The following CADPS2 variants were observed in gnomAD, a reference collection of about 807,000 sequenced individuals.
The protein encoded by CADPS2 is calcium dependent secretion activator 2.
CADPS2 carries 93 observed loss-of-function variants against 172.5 expected under a neutral mutation model. The observed-to-expected ratio is 0.54, with a 90% CI of 0.46 to 0.64. CADPS2 has a LOEUF of 0.64. CADPS2 is among the 30% of genes least tolerant of loss of function. The probability of loss-of-function intolerance (pLI) is 0.00; values close to 1 mark genes in which losing one functional copy is unlikely to be tolerated. For missense variants in CADPS2, 1,420 were observed against 1,565.9 expected, an observed-to-expected ratio of 0.91 and a Z score of 1.57; for synonymous variants, 546 against 555.2, an observed-to-expected ratio of 0.98 and a Z score of 0.23.
intron 1 of CADPS2, among the ~76,000 whole-genome samples, chr7:122,758,815 G>A (rs753632401): frequency 6.6e-6 from 1 of 152,212 alleles, no homozygotes; most frequent in African/African-American, 2.4e-5. Flanking sequence ...CAAAGTGATA[G>A]CTGCAAACCA....
intron 3 of CADPS2, among the ~76,000 whole-genome samples, chr7:122,659,766 A>G (rs1215195177): frequency 1.3e-5 from 2 of 152,190 alleles, no homozygotes; most frequent in Admixed American, 6.5e-5. Flanking sequence ...AAGGGGGAAA[A>G]TAACACCTTA....
intron 2 of CADPS2, among the ~76,000 whole-genome samples, chr7:122,725,485 G>A (rs1456894500): frequency 1.3e-5 from 2 of 151,668 alleles, no homozygotes; most frequent in Admixed American, 6.6e-5. Context: ...TGGGCTTTTA[G>A]TGTACCCATC....
intron 20 of CADPS2, among the ~76,000 whole-genome samples, chr7:122,395,164 C>T (rs1310976767): frequency 6.6e-6 from 1 of 152,180 alleles, no homozygotes; most frequent in Non-Finnish European, 1.5e-5. Flanking sequence ...TGATGTTTAT[C>T]ACTGTGGCAT....
At chr7:122,855,195 T>C (rs1267004212) in intron 1 of CADPS2, among the ~76,000 whole-genome samples, 1 of 152,184 alleles carries the variant, frequency 6.6e-6, no homozygotes, top group Non-Finnish European at 1.5e-5. Context: ...TTCTTTAGTA[T>C]AGTAGTAGTA....
chr7:122,559,919 G>A (rs975755944), intron 7 of CADPS2, among the ~76,000 whole-genome samples: 4 of 152,016 alleles, frequency 2.6e-5, no homozygotes, highest in African/African-American at 9.7e-5. Context: ...TGAAGTTTGT[G>A]ATGTACCAAA....
At chr7:122,386,234 T>C (rs2043653164) in intron 24 of CADPS2, 3 of 1,106,014 alleles carry the variant, frequency 2.7e-6, no homozygotes, top group Non-Finnish European at 3.7e-6. Context: ...ATAAAAAATA[T>C]ACATTTACAA....
chr7:122,393,065 TAAAA>T (rs370397056), intron 22 of CADPS2, 127 bp downstream of exon 22: 50 of 881,584 alleles, frequency 5.7e-5, no homozygotes, highest in Non-Finnish European at 7.0e-5. Flanking sequence ...AAAACTCAAA[TAAAA>T]AAAAAAAAAC....
chr7:122,794,306 AT>A (rs138867812), intron 1 of CADPS2, among the ~76,000 whole-genome samples: 1 of 149,998 alleles, frequency 6.7e-6, no homozygotes, highest in African/African-American at 2.5e-5. Flanking sequence ...TTTCCTTCTC[AT>A]TTTTTTCTGT....
chr7:122,708,708 C>T (rs1448813730), intron 2 of CADPS2, among the ~76,000 whole-genome samples: 1 of 151,630 alleles, frequency 6.6e-6, no homozygotes, highest in Admixed American at 6.6e-5. Flanking sequence ...CTCTCTTCTT[C>T]ATTCAGAATT....
chr7:122,560,241 T>C (rs6969495), intron 7 of CADPS2, among the ~76,000 whole-genome samples: 2 of 152,022 alleles, frequency 1.3e-5, no homozygotes, highest in Non-Finnish European at 2.9e-5. Flanking sequence ...GACAGGTAGG[T>C]TGAAGGAGAT....
rs547433487 is a variant in CADPS2, at chr7:122,705,647, A to G, written c.453+31308T>C. On this transcript the variant is annotated intron_variant, in intron 2 of 29. Transcript: ENST00000449022. ...TATTATATATGATATATAATATATT[A>G]TATAATATATCTCATATATAATATA... 9.8e-3 allele frequency among the ~76,000 whole-genome samples: 966 copies of G among 98,540 alleles called. 9 individuals are homozygous for G. Among genetic ancestry groups the G allele is most frequent in the Middle Eastern group, 0.033 (3 of 90 alleles). The allele number at this position is 98,540 out of a possible 152,430, so 64.6% of individuals were successfully genotyped here. A position where few individuals can be genotyped will look rare whatever the true frequency, so the allele number is the denominator to read the frequency against.
intron 25 of CADPS2, among the ~76,000 whole-genome samples, chr7:122,361,444 G>A (rs1186705380): frequency 6.6e-6 from 1 of 151,816 alleles, no homozygotes; most frequent in East Asian, 1.9e-4. Flanking sequence ...ATATTGGCCA[G>A]GCTGGTCTCA....
chr7:122,561,356 C>T (rs559001795), intron 7 of CADPS2, among the ~76,000 whole-genome samples: 3 of 151,612 alleles, frequency 2.0e-5, no homozygotes, highest in Admixed American at 2.0e-4. Context: ...CAAGAAAGGC[C>T]TTTTTTTGAA....
At chr7:122,732,161 G>A (rs1222862473) in intron 2 of CADPS2, among the ~76,000 whole-genome samples, 9 of 151,222 alleles carry the variant, frequency 6.0e-5, no homozygotes, top group Admixed American at 5.3e-4. Context: ...ATCTAATCCT[G>A]GAATAATCTA....
At chr7:122,355,781 T>C (rs934785796) in intron 27 of CADPS2, among the ~76,000 whole-genome samples, 14 of 152,158 alleles carry the variant, frequency 9.2e-5, no homozygotes, top group Non-Finnish European at 1.3e-4. Context: ...TGCAGTTATG[T>C]AGCTTATTCA....
At chr7:122,694,485 TA>T (rs2084811990) in intron 2 of CADPS2, among the ~76,000 whole-genome samples, 1 of 152,154 alleles carries the variant, frequency 6.6e-6, no homozygotes, top group Non-Finnish European at 1.5e-5. Flanking sequence ...TGGCAGCATC[TA>T]AAAATCATCA....
At chr7:122,593,575 T>G (rs758756267) in intron 6 of CADPS2, among the ~76,000 whole-genome samples, 7 of 152,072 alleles carry the variant, frequency 4.6e-5, no homozygotes, top group Non-Finnish European at 7.4e-5. Flanking sequence ...TCATAGAAAG[T>G]GCACAGAGAA....
intron 12 of CADPS2, 94 bp from the exon 13 acceptor site, chr7:122,474,611 C>T: frequency 8.9e-7 from 1 of 1,121,666 alleles, no homozygotes; most frequent in Admixed American, 2.2e-5. Flanking sequence ...GTGACTCAAG[C>T]AGAAGACTAC....
intron 8 of CADPS2, among the ~76,000 whole-genome samples, chr7:122,537,331 T>C (rs1563631528): frequency 6.6e-6 from 1 of 150,442 alleles, no homozygotes; most frequent in Non-Finnish European, 1.5e-5. Flanking sequence ...CTCCAGAGAA[T>C]ACAGAAGCAC....
Sources: allele counts gnomAD v4.1 joint callset (sites outside exome capture counted in the v4.1 genomes callset), GRCh38; gene constraint gnomAD v4.1.1; transcripts MANE v1.5; gene names NCBI Gene and HGNC (gene_info 2026-07-23, HGNC 2026-07-21).